UCMA: variants seen among roughly 807,000 people sequenced by gnomAD.
UCMA encodes the protein upper zone of growth plate and cartilage matrix associated.
UCMA carries 21 observed loss-of-function variants against 21.8 expected under a neutral mutation model. That is an observed-to-expected ratio of 0.97 (90% CI 0.68 to 1.39). The LOEUF (loss-of-function observed/expected upper bound fraction) is 1.39. Among genes scored for constraint, UCMA ranks in the 40% most tolerant of loss-of-function variants. The probability of loss-of-function intolerance (pLI) is 0.00; values close to 1 mark genes in which losing one functional copy is unlikely to be tolerated. For missense variants in UCMA, 193 were observed against 178.9 expected (o/e 1.08, Z -0.45); for synonymous variants, 76 against 67.9 (o/e 1.12, Z -0.58).
intron 4 of UCMA, 97 bp downstream of exon 4, chr10:13,229,513 GA>G (rs112352250): frequency 0.19 from 169,708 of 892,520 alleles, 2,588 homozygotes; most frequent in South Asian, 0.22. Flanking sequence ...CTCAAAAAAA[GA>G]AAAAAAAAAA....
chr10:13,233,146 C>T (rs745828057), intron 3 of UCMA, among the ~76,000 whole-genome samples: 22 of 152,092 alleles, frequency 1.4e-4, no homozygotes, highest in Admixed American at 3.9e-4. Context: ...GACCAGTACC[C>T]GCAAAGCACA....
rs1166568600 is a variant in UCMA, at chr10:13,222,011, T to C, written c.*92A>G. Reference sequence around the variant, plus strand: ...CTGCAGACCCCAAGCTGAGACCCTCTGAAGGGCCGGTTTGCATGGGAAAGA... The same window carrying C: ...CTGCAGACCCCAAGCTGAGACCCTCCGAAGGGCCGGTTTGCATGGGAAAGA... On this transcript the variant is annotated 3_prime_UTR_variant, in exon 5 of 5. Coordinates refer to ENST00000378681, the MANE Select transcript of UCMA (RefSeq NM_145314.3). The C allele has an allele frequency of 8.5e-6, 12 of 1,406,094 alleles. No homozygotes were observed. The highest frequency in any genetic ancestry group is 1.2e-5 in the Non-Finnish European group (12 of 1,002,190). The allele number at this position is 1,406,094 out of a possible 1,614,324, so 87.1% of individuals were successfully genotyped here.
At chr10:13,227,743 TACACACAC>T (rs55831241) in intron 4 of UCMA, among the ~76,000 whole-genome samples, 11,560 of 110,434 alleles carry the variant, frequency 0.1, 682 homozygotes, top group Middle Eastern at 0.17. Context: ...GGAAAGGAAA[TACACACAC>T]ACACACACAC....
At position 13,229,706 on chromosome 10, in the gene UCMA, T is replaced by C; in HGVS notation, c.224A>G (p.Glu75Gly). The change falls in exon 4 of 5, where the codon GAA becomes GGA. Residue 75 changes from glutamate to glycine, a missense_variant. By Grantham distance (98) the Glu-to-Gly change is moderately conservative. Transcript: ENST00000378681. ...ATCAACCCGAAGCTTCTGCCTGTTTTCCACTGTGAAAGGAAAAGAAGCAAG... is the reference window on the plus strand; with the variant it reads ...ATCAACCCGAAGCTTCTGCCTGTTTCCCACTGTGAAAGGAAAAGAAGCAAG... ...SPKSRDEVNV[E>G]NRQKLRVDEL... The C allele has an allele frequency of 6.2e-7, 1 of 1,613,962 alleles. No individual in the cohort carries two copies.
intron 4 of UCMA, 62 bp from the exon 5 acceptor site, chr10:13,222,262 A>C: frequency 6.7e-7 from 1 of 1,503,342 alleles, no homozygotes; most frequent in Non-Finnish European, 9.2e-7. Flanking sequence ...CACTGAGCCC[A>C]GCAGCCATCA....
At chr10:13,232,810 A>G (rs1358329083) in intron 3 of UCMA, among the ~76,000 whole-genome samples, 1 of 152,126 alleles carries the variant, frequency 6.6e-6, no homozygotes, top group Non-Finnish European at 1.5e-5. Flanking sequence ...AAGCAGGTTC[A>G]GGAGTAGAAA....
chr10:13,230,982 G>GGGAGGT (rs1834890389), intron 3 of UCMA, among the ~76,000 whole-genome samples: 4 of 152,200 alleles, frequency 2.6e-5, no homozygotes, highest in Non-Finnish European at 5.9e-5. Context: ...GCTTGAACCG[G>GGGAGGT]GGAGGTGGAG....
chr10:13,233,861 G>T, intron 1 of UCMA, 61 bp from the exon 2 acceptor site: 1 of 1,596,448 alleles, frequency 6.3e-7, no homozygotes. Context: ...ACCCTGAGCT[G>T]AGTCCCCATC....
rs554487224 is a variant in UCMA, at chr10:13,229,781, A to G, written c.221-72T>C. 1.3e-3 allele frequency: 1,671 copies of G among 1,297,458 alleles called. 34 individuals are homozygous for G. In the South Asian group the frequency reaches 0.018, roughly 14 times the overall value. The allele number at this position is 1,297,458 out of a possible 1,614,324, so 80.4% of individuals were successfully genotyped here. ...CTTAGGGGCACACACTTAGGGGAGCACAGTTCATCTGAGAAGTCACCTGGT... is the reference window on the plus strand; with the variant it reads ...CTTAGGGGCACACACTTAGGGGAGCGCAGTTCATCTGAGAAGTCACCTGGT... On this transcript the variant is annotated intron_variant, in intron 3 of 4. Coordinates refer to ENST00000378681, the MANE Select transcript of UCMA (RefSeq NM_145314.3).
intron 3 of UCMA, 133 bp downstream of exon 3, chr10:13,233,405 C>G: frequency 4.2e-6 from 3 of 712,996 alleles, no homozygotes; most frequent in Non-Finnish European, 4.9e-6. Flanking sequence ...GCTGCAGTCC[C>G]TTTGATACCC....
At chr10:13,231,461 C>T (rs1446884023) in intron 3 of UCMA, among the ~76,000 whole-genome samples, 1 of 152,208 alleles carries the variant, frequency 6.6e-6, no homozygotes, top group Non-Finnish European at 1.5e-5. Context: ...TCCCTCTTCC[C>T]ACCCACTGTG....
At chr10:13,233,083 T>C (rs1834920373) in intron 3 of UCMA, among the ~76,000 whole-genome samples, 1 of 152,128 alleles carries the variant, frequency 6.6e-6, no homozygotes, top group East Asian at 1.9e-4. Flanking sequence ...GCACCCAGTG[T>C]CCTGTGCCTT....
At chr10:13,229,739 C>T (rs1834875038) in intron 3 of UCMA, 30 bp from the exon 4 acceptor site, 2 of 1,602,220 alleles carry the variant, frequency 1.2e-6, no homozygotes, top group East Asian at 2.2e-5. Flanking sequence ...AAGAGTTGCC[C>T]CTCAAGAATG....
intron 3 of UCMA, 27 bp downstream of exon 3, chr10:13,233,511 G>T (rs779970572): frequency 6.3e-7 from 1 of 1,591,740 alleles, no homozygotes; most frequent in Middle Eastern, 1.7e-4. Context: ...TGATGGACGC[G>T]GGATGGGGTC....
At chr10:13,231,961 ATCCT>A (rs1834904448) in intron 3 of UCMA, among the ~76,000 whole-genome samples, 2 of 152,096 alleles carry the variant, frequency 1.3e-5, no homozygotes, top group Non-Finnish European at 2.9e-5. Context: ...TTCATGCACA[ATCCT>A]GGGTGTTCAC....
chr10:13,229,737 C>T (rs1564403679), intron 3 of UCMA, 28 bp from the exon 4 acceptor site: 5 of 1,604,684 alleles, frequency 3.1e-6, no homozygotes, highest in Non-Finnish European at 4.3e-6. Flanking sequence ...GCAAGAGTTG[C>T]CCCTCAAGAA....
intron 4 of UCMA, among the ~76,000 whole-genome samples, chr10:13,227,882 G>A (rs977049248): frequency 4.6e-5 from 7 of 151,698 alleles, no homozygotes; most frequent in African/African-American, 1.7e-4. Flanking sequence ...CCCACTCCGT[G>A]GAAGGCAGTG....
chr10:13,228,054 CCTTTT>C (rs1236496776), intron 4 of UCMA, among the ~76,000 whole-genome samples: 14 of 151,688 alleles, frequency 9.2e-5, no homozygotes, highest in African/African-American at 1.5e-4. Context: ...CTGGTCTAGG[CCTTTT>C]CTTTTCTTTT....
intron 3 of UCMA, among the ~76,000 whole-genome samples, chr10:13,232,308 G>T (rs889057808): frequency 6.8e-6 from 1 of 146,868 alleles, no homozygotes; most frequent in Non-Finnish European, 1.5e-5. Flanking sequence ...GGAGGTGGAG[G>T]TTGCAATGAG....
Sources: allele counts gnomAD v4.1 joint callset (sites outside exome capture counted in the v4.1 genomes callset), GRCh38; gene constraint gnomAD v4.1.1; transcripts MANE v1.5; gene names NCBI Gene and HGNC (gene_info 2026-07-23, HGNC 2026-07-21).